Variants in CSMD3 observed in about 807,000 individuals in gnomAD.
CSMD3 encodes the protein CUB and sushi domain-containing protein 3.
In CSMD3, 177 loss-of-function variants were observed where a neutral mutation model predicts 435.2. The observed-to-expected ratio is 0.41, with a 90% CI of 0.36 to 0.46. The LOEUF (loss-of-function observed/expected upper bound fraction) is 0.46, where lower values mean the gene tolerates loss of function less well. Ranked by LOEUF, CSMD3 falls within the 20% of genes least tolerant of loss-of-function variation. CSMD3 has a pLI of 0.34. For missense variants in CSMD3, 4,265 were observed against 4,504.6 expected (o/e 0.95, Z 1.52); for synonymous variants, 1,656 against 1,520.5 (o/e 1.09, Z -2.07).
chr8:112,346,891 G>C (rs1825731843), intron 40 of CSMD3, among the ~76,000 whole-genome samples: 2 of 151,910 alleles, frequency 1.3e-5, no homozygotes, highest in African/African-American at 4.8e-5. Flanking sequence ...GTGTTAGCCA[G>C]GATGGTCTTG....
intron 1 of CSMD3, among the ~76,000 whole-genome samples, chr8:113,402,923 A>G (rs2094516372): frequency 6.6e-6 from 1 of 151,354 alleles, no homozygotes; most frequent in African/African-American, 2.4e-5. Context: ...TTCAGGGAAC[A>G]TGTTTTGGTT....
chr8:112,275,014 G>C (rs1817897041), intron 59 of CSMD3, among the ~76,000 whole-genome samples: 1 of 152,080 alleles, frequency 6.6e-6, no homozygotes, highest in Admixed American at 6.6e-5. Context: ...GATGCTTCAA[G>C]TTCTACCTCC....
chr8:113,301,964 T>C (rs2093772201), intron 2 of CSMD3, among the ~76,000 whole-genome samples: 1 of 151,640 alleles, frequency 6.6e-6, no homozygotes, highest in Non-Finnish European at 1.5e-5. Flanking sequence ...CCCTTTAACC[T>C]TTGTGACATT....
At chr8:113,161,232 AT>A (rs1190074697) in intron 4 of CSMD3, among the ~76,000 whole-genome samples, 1 of 152,160 alleles carries the variant, frequency 6.6e-6, no homozygotes, top group Non-Finnish European at 1.5e-5. Flanking sequence ...AATTCAAAGC[AT>A]TTTGTGTAAG....
intron 3 of CSMD3, among the ~76,000 whole-genome samples, chr8:113,195,109 T>C (rs2092635747): frequency 6.6e-6 from 1 of 151,272 alleles, no homozygotes; most frequent in African/African-American, 2.4e-5. Flanking sequence ...TTATATTGTC[T>C]TTTATATTAT....
rs147912431 is a variant in CSMD3, at chr8:112,649,903, T to C, written c.3193+258A>G. Among the ~76,000 whole-genome samples, 98 of 152,292 alleles carry C rather than the reference T, an allele frequency of 6.4e-4. 2 individuals are homozygous for C. In the East Asian group the frequency reaches 0.018, roughly 29 times the overall value. Reference sequence around the variant, plus strand: ...GTCCACAGCATGTTCTTAAAATAGTTACACAGGTGAGTTTTAAATATATAT... The same window carrying C: ...GTCCACAGCATGTTCTTAAAATAGTCACACAGGTGAGTTTTAAATATATAT... On this transcript the variant is annotated intron_variant, in intron 19 of 70. Coordinates refer to ENST00000297405, the MANE Select transcript of CSMD3 (RefSeq NM_198123.2).
chr8:112,864,259 TGTTGTTTTAGACGGA>T (rs2080912181), intron 10 of CSMD3, among the ~76,000 whole-genome samples: 2 of 152,104 alleles, frequency 1.3e-5, no homozygotes, highest in Admixed American at 1.3e-4. Context: ...TTGTTGTTGT[TGTTGTTTTAGACGGA>T]GTCTCACTCT....
chr8:113,356,725 G>T (rs1459783766), intron 1 of CSMD3, among the ~76,000 whole-genome samples: 1 of 152,022 alleles, frequency 6.6e-6, no homozygotes, highest in African/African-American at 2.4e-5. Flanking sequence ...CAAATATATG[G>T]AATATAACCA....
At chr8:112,325,317 T>C (rs1338634216) in intron 45 of CSMD3, among the ~76,000 whole-genome samples, 3 of 152,132 alleles carry the variant, frequency 2.0e-5, no homozygotes, top group African/African-American at 7.2e-5. Flanking sequence ...TTGTCTTTCA[T>C]TTTCTTGAAA....
At chr8:113,239,623 T>TTTGG (rs2093190807) in intron 3 of CSMD3, among the ~76,000 whole-genome samples, 1 of 152,046 alleles carries the variant, frequency 6.6e-6, no homozygotes, top group African/African-American at 2.4e-5. Context: ...AACAAGTATC[T>TTTGG]AAATATGTGT....
intron 18 of CSMD3, among the ~76,000 whole-genome samples, chr8:112,655,013 C>A (rs1292876273): frequency 6.6e-6 from 1 of 152,064 alleles, no homozygotes; most frequent in African/African-American, 2.4e-5. Context: ...TCTCTTATTG[C>A]ATTTTACCAT....
chr8:112,240,213 A>G (rs923537100), intron 66 of CSMD3, among the ~76,000 whole-genome samples: 16 of 152,232 alleles, frequency 1.1e-4, no homozygotes, highest in African/African-American at 3.8e-4. Flanking sequence ...CTAGTCAGAT[A>G]TGAGCTATGA....
At chr8:112,954,032 G>A (rs186387781) in intron 8 of CSMD3, among the ~76,000 whole-genome samples, 57 of 151,400 alleles carry the variant, frequency 3.8e-4, no homozygotes, top group Admixed American at 1.7e-3. Context: ...AAAAAATTTC[G>A]TGTTTGGTTA....
At chr8:113,104,000 T>C (rs2090404681) in intron 4 of CSMD3, among the ~76,000 whole-genome samples, 1 of 152,116 alleles carries the variant, frequency 6.6e-6, no homozygotes, top group Admixed American at 6.6e-5. Context: ...TAATATAAAT[T>C]GGAACTTTTC....
At chr8:112,831,324 C>T (rs75538856) in intron 11 of CSMD3, among the ~76,000 whole-genome samples, 13 of 140,684 alleles carry the variant, frequency 9.2e-5, no homozygotes, top group African/African-American at 2.4e-4. Flanking sequence ...CATTTTCTTT[C>T]TTTTTTTTTT....
chr8:113,349,919 A>G (rs1588572252), intron 1 of CSMD3, among the ~76,000 whole-genome samples: 1 of 151,926 alleles, frequency 6.6e-6, no homozygotes, highest in Non-Finnish European at 1.5e-5. Context: ...GCTTTTTCCA[A>G]TAGAATGCAA....
At chr8:113,415,829 T>C (rs961901488) in intron 1 of CSMD3, among the ~76,000 whole-genome samples, 3 of 152,094 alleles carry the variant, frequency 2.0e-5, no homozygotes, top group African/African-American at 7.2e-5. Flanking sequence ...ACATTGAATA[T>C]GTAGTGAGAA....
intron 65 of CSMD3, 86 bp from the exon 66 acceptor site, chr8:112,241,871 C>CAT: frequency 1.2e-6 from 1 of 854,862 alleles, no homozygotes; most frequent in Non-Finnish European, 2.0e-6. Context: ...CACACACACA[C>CAT]AGTGTGATGC....
intron 5 of CSMD3, among the ~76,000 whole-genome samples, chr8:113,049,400 AG>A (rs953181329): frequency 2.1e-4 from 31 of 150,622 alleles, no homozygotes; most frequent in South Asian, 8.3e-4. Context: ...CTGTTCTAGT[AG>A]GAAAAAAAAA....
Sources: gnomAD v4.1 joint callset for allele counts (sites outside exome capture counted in the v4.1 genomes callset) on GRCh38, gnomAD v4.1.1 for gene constraint, MANE v1.5 for transcripts, NCBI Gene and HGNC (gene_info 2026-07-23, HGNC 2026-07-21) for gene names.